USH2A: variants seen among roughly 807,000 people sequenced by gnomAD.
USH2A encodes usherin.
Under a neutral mutation model 538.9 loss-of-function variants are expected in USH2A, and 443 were observed. That is an observed-to-expected ratio of 0.82 (90% CI 0.76 to 0.89). The LOEUF (loss-of-function observed/expected upper bound fraction) is 0.89. Among genes scored for constraint, USH2A ranks in the 40% least tolerant of loss-of-function variants. USH2A has a pLI of 0.00. For missense variants in USH2A, 6,633 were observed against 6,324.8 expected (o/e 1.05, Z -1.65); for synonymous variants, 2,413 against 2,273.5 (o/e 1.06, Z -1.75).
intron 4 of USH2A, among the ~76,000 whole-genome samples, chr1:216,336,703 T>C (rs985230438): frequency 2.6e-5 from 4 of 151,460 alleles, no homozygotes; most frequent in Non-Finnish European, 5.9e-5. Context: ...TCCTGGAATA[T>C]TGGATATCTT....
intron 4 of USH2A, among the ~76,000 whole-genome samples, chr1:216,349,815 C>A (rs1209068019): frequency 1.3e-5 from 2 of 152,134 alleles, no homozygotes; most frequent in African/African-American, 4.8e-5. Flanking sequence ...TTTTTTATTC[C>A]TTTACTGTCT....
At chr1:216,310,448 C>T (rs570292970) in intron 9 of USH2A, among the ~76,000 whole-genome samples, 2 of 151,682 alleles carry the variant, frequency 1.3e-5, no homozygotes, top group African/African-American at 2.4e-5. Flanking sequence ...TCTTCAACTC[C>T]CTCTTGAATA....
chr1:216,365,033 G>A lies in USH2A; in HGVS notation c.704C>T (p.Thr235Ile), dbSNP rs773514114. Residue 235 changes from threonine to isoleucine, a missense_variant, in exon 4 of 72, where the codon ACA becomes ATA. Coordinates refer to ENST00000307340, the MANE Select transcript of USH2A (RefSeq NM_206933.4). ...ACTTAGAGTTCTTGCATTGAAAGGT[G>A]TATGATCCTTCTCCACGCCATTGAT... Reference protein sequence around the residue: ...FFINGVEKDHTPFNARTLSGS... With the variant: ...FFINGVEKDHIPFNARTLSGS... 6.2e-7 allele frequency: 1 copy of A among 1,613,678 alleles called. No individual in the cohort carries two copies. The highest frequency in any genetic ancestry group is 1.1e-5 in the South Asian group (1 of 91,058).
chr1:216,247,000 G>A lies in USH2A; in HGVS notation c.2394C>T (p.Asp798=). ...DVTNCKACDC[D]TAGSLPGTVC... Reference sequence around the variant, plus strand: ...CAGTCCCAGGGAGGGATCCAGCTGTGTCACAGTCACAGGCCTTACAATTGG... The same window carrying A: ...CAGTCCCAGGGAGGGATCCAGCTGTATCACAGTCACAGGCCTTACAATTGG... The change falls in exon 13 of 72, where the codon GAC becomes GAT. Residue 798 remains aspartate (D), a synonymous_variant. Coordinates refer to ENST00000307340, the MANE Select transcript of USH2A (RefSeq NM_206933.4). 6.2e-7 allele frequency: 1 copy of A among 1,614,066 alleles called. No individual in the cohort carries two copies. The highest frequency in any genetic ancestry group is 8.5e-7 in the Non-Finnish European group (1 of 1,179,984).
intron 32 of USH2A, among the ~76,000 whole-genome samples, chr1:216,036,553 C>A (rs1288979330): frequency 6.6e-6 from 1 of 152,006 alleles, no homozygotes; most frequent in Non-Finnish European, 1.5e-5. Flanking sequence ...TTTTCTACAG[C>A]ATCATAAACT....
intron 38 of USH2A, chr1:215,901,315 A>C: frequency 3.3e-6 from 1 of 298,722 alleles, no homozygotes; most frequent in South Asian, 3.2e-5. Context: ...GATATCATCC[A>C]TTGCTGCCTT....
At position 215,741,681 on chromosome 1, in the gene USH2A, T is replaced by G. The variant is rs189045845; in HGVS notation, c.11549-144A>C. The G allele has an allele frequency of 1.1e-4, 106 of 921,798 alleles. No individual in the cohort carries two copies. In the East Asian group the frequency reaches 2.6e-3, roughly 23 times the overall value. The allele number at this position is 921,798 out of a possible 1,614,324, so 57.1% of individuals were successfully genotyped here. A position where few individuals can be genotyped will look rare whatever the true frequency, so the allele number is the denominator to read the frequency against. On this transcript the variant is annotated intron_variant, in intron 59 of 71. Transcript: ENST00000307340. ...ACTTGTACATGTGTTTTAAATAAAT[T>G]TTTATGGGATTTGAACATTTAAATA... is the stretch of plus-strand genomic sequence containing the variant.
chr1:215,889,481 C>A (rs944524365), intron 40 of USH2A, among the ~76,000 whole-genome samples: 1 of 152,148 alleles, frequency 6.6e-6, no homozygotes, highest in Non-Finnish European at 1.5e-5. Context: ...GCATATTTTA[C>A]AGCCCAGTAA....
chr1:216,098,523 T>G (rs74143955), intron 21 of USH2A, among the ~76,000 whole-genome samples: 6,611 of 152,176 alleles, frequency 0.043, 475 homozygotes, highest in African/African-American at 0.15. Flanking sequence ...GTTAACTCAG[T>G]TTCAATAGAC....
intron 13 of USH2A, among the ~76,000 whole-genome samples, chr1:216,239,727 G>A (rs574686995): frequency 4.6e-5 from 7 of 152,144 alleles, no homozygotes; most frequent in Non-Finnish European, 1.0e-4. Flanking sequence ...AGGGGAGTAG[G>A]AGGCTACTTG....
At chr1:216,241,644 C>T (rs1239523572) in intron 13 of USH2A, among the ~76,000 whole-genome samples, 1 of 152,162 alleles carries the variant, frequency 6.6e-6, no homozygotes, top group East Asian at 1.9e-4. Flanking sequence ...AAGCGATTCT[C>T]CTGCCTCAGT....
chr1:215,965,745 T>C (rs1001448584), intron 36 of USH2A, among the ~76,000 whole-genome samples: 26 of 152,176 alleles, frequency 1.7e-4, no homozygotes, highest in African/African-American at 6.0e-4. Context: ...ACTGTGACTG[T>C]GCCTATGGCT....
At chr1:216,301,230 TAGAC>T (rs1430492553) in intron 9 of USH2A, among the ~76,000 whole-genome samples, 1 of 152,154 alleles carries the variant, frequency 6.6e-6, no homozygotes, top group Non-Finnish European at 1.5e-5. Flanking sequence ...AATATCCTCT[TAGAC>T]AAAGATATAT....
rs778629991 is a variant in USH2A at position 215,766,748 on chromosome 1, A to C, written c.10980T>G (p.Ala3660=). Residue 3660 remains alanine, a synonymous_variant, in exon 56 of 72, where the codon GCT becomes GCG. Coordinates refer to ENST00000307340, the MANE Select transcript of USH2A (RefSeq NM_206933.4). Reference sequence around the variant, plus strand: ...TTGAAGTGCACCCAGCAGATGTACAAGCTGTAAGAGTGAAGCTGTAGTTGG... The same window carrying C: ...TTGAAGTGCACCCAGCAGATGTACACGCTGTAAGAGTGAAGCTGTAGTTGG... ...PYTNYSFTLT[A]CTSAGCTSSE... 3.1e-6 allele frequency: 5 copies of C among 1,613,712 alleles called. No individual in the cohort carries two copies. Among genetic ancestry groups the C allele is most frequent in the Non-Finnish European group, 4.2e-6 (5 of 1,179,650 alleles).
At chr1:215,894,856 C>A (rs1397682127) in intron 40 of USH2A, among the ~76,000 whole-genome samples, 2 of 152,182 alleles carry the variant, frequency 1.3e-5, no homozygotes, top group Non-Finnish European at 2.9e-5. Context: ...TCTCTTACAG[C>A]AATTGCTTTC....
intron 64 of USH2A, among the ~76,000 whole-genome samples, chr1:215,662,270 T>C (rs1016530704): frequency 3.3e-5 from 5 of 152,222 alleles, no homozygotes; most frequent in Non-Finnish European, 7.3e-5. Flanking sequence ...CTACATTCAG[T>C]TGAAGAGCAT....
rs41308435 is a variant in USH2A, at chr1:215,634,680, T to C, written c.15076A>G (p.Lys5026Glu). The C allele has an allele frequency of 8.9e-3, 14,312 of 1,614,214 alleles. 367 individuals are homozygous for C. The highest frequency in any genetic ancestry group is 0.068 in the South Asian group (6,209 of 91,084). Residue 5026 changes from lysine to glutamate, a missense_variant, in exon 70 of 72, where the codon AAA becomes GAA. Coordinates refer to ENST00000307340, the MANE Select transcript of USH2A (RefSeq NM_206933.4). The part of the protein sequence containing the change: ...GLGLVLTTPG[K>E]KKGSRSKSTE... ...CTTTTGCTCCGCGATCCCTTCTTTT[T>C]CCCAGGAGTTGTTAGGACCAAGCCT...
At chr1:215,733,356 C>T (rs2102718594) in intron 60 of USH2A, among the ~76,000 whole-genome samples, 1 of 152,314 alleles carries the variant, frequency 6.6e-6, no homozygotes, top group Admixed American at 6.5e-5. Context: ...TAGGCCCCAT[C>T]TGCAACATTG....
At chr1:215,894,937 A>T (rs1665291820) in intron 40 of USH2A, among the ~76,000 whole-genome samples, 1 of 152,210 alleles carries the variant, frequency 6.6e-6, no homozygotes, top group East Asian at 1.9e-4. Context: ...CCAAATATAA[A>T]TCATTTCCAA....
Sources: gnomAD v4.1 joint callset for allele counts (sites outside exome capture counted in the v4.1 genomes callset) on GRCh38, gnomAD v4.1.1 for gene constraint, MANE v1.5 for transcripts, NCBI Gene and HGNC (gene_info 2026-07-23, HGNC 2026-07-21) for gene names.